DPH6: variants seen among roughly 807,000 people sequenced by gnomAD.
The protein encoded by DPH6 is diphthine--ammonia ligase.
A neutral mutation model predicts 38.2 loss-of-function variants in DPH6; 33 were observed. That is an observed-to-expected ratio of 0.86 (90% CI 0.65 to 1.15). The LOEUF (loss-of-function observed/expected upper bound fraction) is 1.15, where lower values mean the gene tolerates loss of function less well. DPH6 is among the 50% of genes most tolerant of loss of function. The pLI is 0.00. For missense variants in DPH6, 325 were observed against 320.0 expected, an observed-to-expected ratio of 1.02 and a Z score of -0.12; for synonymous variants, 108 against 103.0, an observed-to-expected ratio of 1.05 and a Z score of -0.30.
At chr15:35,187,897 C>T in the DPH6 span, among the ~76,000 whole-genome samples, 10 of 152,332 alleles carry the variant, frequency 6.6e-5, no homozygotes, top group Middle Eastern at 3.4e-3. Flanking sequence ...AATCCCAGCA[C>T]TTTGGGAGGC....
intron 3 of DPH6, chr15:35,299,583 T>C (rs753916701): frequency 2.1e-4 from 87 of 419,224 alleles, no homozygotes; most frequent in Middle Eastern, 6.8e-4. Flanking sequence ...CGGGGTCAGG[T>C]AGCGCGGGCT....
chr15:35,245,147 G>T (rs2051627435), intron 3 of DPH6, among the ~76,000 whole-genome samples: 1 of 150,194 alleles, frequency 6.7e-6, no homozygotes, highest in African/African-American at 2.4e-5. Context: ...AATCATTCAT[G>T]ATTCTATGAA....
intron 3 of DPH6, among the ~76,000 whole-genome samples, chr15:35,496,520 A>G (rs986067999): frequency 7.1e-6 from 1 of 139,874 alleles, no homozygotes; most frequent in Non-Finnish European, 1.5e-5. Context: ...GGGCTATTGC[A>G]CTCCGGCCTA....
At chr15:35,239,738 C>A (rs1412039460) in intron 3 of DPH6, among the ~76,000 whole-genome samples, 1 of 142,002 alleles carries the variant, frequency 7.0e-6, no homozygotes, top group Non-Finnish European at 1.5e-5. Flanking sequence ...GGGGCAAGTA[C>A]CCCTCAACCC....
chr15:35,179,204 C>CT, the DPH6 span, among the ~76,000 whole-genome samples: 2,045 of 50,606 alleles, frequency 0.04, 66 homozygotes, highest in East Asian at 0.33. Context: ...ACAACTCTGT[C>CT]AAAAAAAAAA....
chr15:35,442,520 C>A (rs949455700), intron 5 of DPH6, among the ~76,000 whole-genome samples: 7 of 152,016 alleles, frequency 4.6e-5, no homozygotes, highest in African/African-American at 1.7e-4. Flanking sequence ...AATTCCACTC[C>A]TAGGTATATA....
At chr15:35,501,757 G>A (rs1401631029) in intron 3 of DPH6, among the ~76,000 whole-genome samples, 1 of 152,048 alleles carries the variant, frequency 6.6e-6, no homozygotes, top group African/African-American at 2.4e-5. Context: ...AATGTAGAAG[G>A]TCATTCTGAT....
chr15:35,480,206 A>C (rs1426921580), intron 3 of DPH6, among the ~76,000 whole-genome samples: 1 of 152,124 alleles, frequency 6.6e-6, no homozygotes, highest in Non-Finnish European at 1.5e-5. Flanking sequence ...TTGAGACACA[A>C]GAAAACTTTA....
intron 6 of DPH6, chr15:35,401,035 A>G: frequency 2.3e-6 from 2 of 885,724 alleles, no homozygotes; most frequent in South Asian, 1.3e-5. Flanking sequence ...GAAGACACAG[A>G]AGAACATCAC....
intron 3 of DPH6, among the ~76,000 whole-genome samples, chr15:35,455,938 G>A (rs1026739588): frequency 6.6e-6 from 1 of 152,158 alleles, no homozygotes; most frequent in Admixed American, 6.5e-5. Context: ...AAATAACCCT[G>A]TGTACCTAAA....
At chr15:35,322,914 G>C (rs1229779129) in intron 3 of DPH6, among the ~76,000 whole-genome samples, 1 of 151,810 alleles carries the variant, frequency 6.6e-6, no homozygotes, top group Non-Finnish European at 1.5e-5. Context: ...TGAACATCAT[G>C]TTTATCTCAG....
At chr15:35,473,271 T>G (rs937565816) in intron 3 of DPH6, among the ~76,000 whole-genome samples, 1 of 152,146 alleles carries the variant, frequency 6.6e-6, no homozygotes, top group Non-Finnish European at 1.5e-5. Flanking sequence ...GAAAAAAAGT[T>G]CTGGTACCAG....
intron 4 of DPH6, among the ~76,000 whole-genome samples, chr15:35,452,006 T>C (rs754010629): frequency 6.6e-6 from 1 of 152,050 alleles, no homozygotes; most frequent in Admixed American, 6.6e-5. Context: ...CGAGACTCTG[T>C]CTCAAAAAAC....
intron 3 of DPH6, among the ~76,000 whole-genome samples, chr15:35,343,942 A>G (rs1170508168): frequency 2.6e-5 from 4 of 152,030 alleles, no homozygotes; most frequent in African/African-American, 9.7e-5. Flanking sequence ...AGCTTTGCAC[A>G]AAGGAGGCCA....
At chr15:35,354,686 T>G (rs1220656882) in intron 3 of DPH6, among the ~76,000 whole-genome samples, 1 of 152,190 alleles carries the variant, frequency 6.6e-6, no homozygotes, top group African/African-American at 2.4e-5. Context: ...GGTTTGCCAG[T>G]ATTTTATTGA....
chr15:35,441,154 C>A (rs7183543), intron 5 of DPH6, among the ~76,000 whole-genome samples: 4 of 151,888 alleles, frequency 2.6e-5, no homozygotes, highest in Non-Finnish European at 2.9e-5. Context: ...AAAAAGTCAG[C>A]AATCAACAGT....
At chr15:35,214,666 G>A (rs183541609), downstream of DPH6, among the ~76,000 whole-genome samples, 601 of 152,172 alleles carry the variant, frequency 3.9e-3, 15 homozygotes, top group Admixed American at 0.035. Context: ...GGAGTGCAGC[G>A]GCACGATCTC....
intron 5 of DPH6, among the ~76,000 whole-genome samples, chr15:35,430,888 A>C (rs1268734747): frequency 6.6e-6 from 1 of 152,180 alleles, no homozygotes; most frequent in Non-Finnish European, 1.5e-5. Flanking sequence ...GTGAAATTAC[A>C]AGTACAGTAT....
At chr15:35,279,084 T>TATATATATATATATATATATATATAA (rs1440623243) in intron 3 of DPH6, among the ~76,000 whole-genome samples, 1 of 143,312 alleles carries the variant, frequency 7.0e-6, no homozygotes, top group African/African-American at 2.6e-5. Flanking sequence ...TATATATATA[T>TATATATATATATATATATATATATAA]AATTTTGGAG....
Sources: allele counts gnomAD v4.1 joint callset (sites outside exome capture counted in the v4.1 genomes callset), GRCh38; gene constraint gnomAD v4.1.1; transcripts MANE v1.5; gene names NCBI Gene and HGNC (gene_info 2026-07-23, HGNC 2026-07-21).